BMPR1B: variants seen among roughly 807,000 people sequenced by gnomAD.
BMPR1B encodes bone morphogenetic protein receptor type 1B, also known as bone morphogenetic protein receptor type-1B.
A neutral mutation model predicts 59.1 loss-of-function variants in BMPR1B; 12 were observed. That is an observed-to-expected ratio of 0.20 (90% confidence interval 0.13 to 0.33). The LOEUF is 0.33. Among genes scored for constraint, BMPR1B ranks in the 10% least tolerant of loss-of-function variants. BMPR1B has a pLI of 1.00. For missense variants in BMPR1B, 550 were observed against 610.9 expected (o/e 0.90, Z 1.05); for synonymous variants, 237 against 207.3 (o/e 1.14, Z -1.23).
intron 2 of BMPR1B, among the ~76,000 whole-genome samples, chr4:94,878,384 C>G (rs1277896017): frequency 1.3e-5 from 2 of 152,142 alleles, no homozygotes; most frequent in Non-Finnish European, 2.9e-5. Flanking sequence ...ATGAGCTGAG[C>G]AGAGGACGTT....
At chr4:94,852,355 C>T (rs760990953) in intron 1 of BMPR1B, among the ~76,000 whole-genome samples, 1 of 152,062 alleles carries the variant, frequency 6.6e-6, no homozygotes, top group Non-Finnish European at 1.5e-5. Flanking sequence ...TGTATACACA[C>T]ATATGGACAT....
intron 1 of BMPR1B, among the ~76,000 whole-genome samples, chr4:94,799,632 C>G (rs1384919414): frequency 6.7e-6 from 1 of 149,364 alleles, no homozygotes; most frequent in Non-Finnish European, 1.5e-5. Context: ...ATTTTTTTTC[C>G]CTCTTTTGTT....
intron 1 of BMPR1B, among the ~76,000 whole-genome samples, chr4:94,779,722 C>G (rs956460535): frequency 5.3e-5 from 8 of 152,046 alleles, no homozygotes; most frequent in African/African-American, 1.7e-4. Flanking sequence ...GTCCGAGCTA[C>G]TCAGGAGGCT....
chr4:95,127,420 G>A (rs1042098802), intron 8 of BMPR1B, among the ~76,000 whole-genome samples: 8 of 151,660 alleles, frequency 5.3e-5, no homozygotes, highest in African/African-American at 7.3e-5. Context: ...ATCAAGTATC[G>A]CCAATTCTGT....
chr4:94,913,024 A>AACTCCCAGGAAAT (rs1728345222), intron 2 of BMPR1B, among the ~76,000 whole-genome samples: 1 of 152,132 alleles, frequency 6.6e-6, no homozygotes, highest in African/African-American at 2.4e-5. Flanking sequence ...AAATTCTTAA[A>AACTCCCAGGAAAT]ACTCCCAGGA....
At chr4:95,026,702 C>G (rs1044634570) in intron 3 of BMPR1B, among the ~76,000 whole-genome samples, 13 of 140,734 alleles carry the variant, frequency 9.2e-5, no homozygotes, top group Non-Finnish European at 1.7e-4. Flanking sequence ...CTCCCCTCCC[C>G]TCCCCTGTCC....
intron 3 of BMPR1B, among the ~76,000 whole-genome samples, chr4:95,073,237 C>T (rs1728454197): frequency 6.6e-6 from 1 of 152,086 alleles, no homozygotes. Flanking sequence ...CTTGCCAAGC[C>T]ATTTGGGAAC....
At chr4:95,018,980 G>C (rs1723781871) in intron 3 of BMPR1B, among the ~76,000 whole-genome samples, 1 of 152,032 alleles carries the variant, frequency 6.6e-6, no homozygotes, top group Admixed American at 6.6e-5. Flanking sequence ...TAATCTTTTT[G>C]TTTAATTATA....
chr4:94,942,199 TA>T, intron 2 of BMPR1B, among the ~76,000 whole-genome samples: 1 of 152,332 alleles, frequency 6.6e-6, no homozygotes, highest in South Asian at 2.1e-4. Context: ...GGAGTCAGAA[TA>T]ATTTTATTTG....
In BMPR1B at chr4:95,130,004, G is replaced by C; in HGVS notation, c.728G>C (p.Arg243Thr). 4 of 1,613,974 alleles carry C rather than the reference G, an allele frequency of 2.5e-6. No individual in the cohort carries two copies. The highest frequency in any genetic ancestry group is 3.4e-6 in the Non-Finnish European group (4 of 1,179,912). Residue 243 changes from arginine (R) to threonine (T), a missense_variant, in exon 9 of 13, where the codon AGA becomes ACA. Coordinates refer to ENST00000515059, the MANE Select transcript of BMPR1B (RefSeq NM_001203.3). ...ACCACAGAGGAAGCCAGCTGGTTCAGAGAGACAGAAATATATCAGACAGTG... is the reference window on the plus strand; with the variant it reads ...ACCACAGAGGAAGCCAGCTGGTTCACAGAGACAGAAATATATCAGACAGTG... ...FFTTEEASWFRETEIYQTVLM... is the reference protein window; with the variant it reads ...FFTTEEASWFTETEIYQTVLM...
chr4:94,759,721 ATC>A (rs1721685581), intron 1 of BMPR1B, among the ~76,000 whole-genome samples: 1 of 152,270 alleles, frequency 6.6e-6, no homozygotes, highest in African/African-American at 2.4e-5. Flanking sequence ...CATGCCGGTG[ATC>A]AATAATGTTT....
At chr4:94,778,226 A>G (rs1371636236) in intron 1 of BMPR1B, among the ~76,000 whole-genome samples, 2 of 152,108 alleles carry the variant, frequency 1.3e-5, no homozygotes, top group Non-Finnish European at 2.9e-5. Context: ...ATCTGAGTAA[A>G]CACTAACCTG....
chr4:95,150,587 A>T (rs1734970736), intron 11 of BMPR1B, among the ~76,000 whole-genome samples: 2 of 152,232 alleles, frequency 1.3e-5, no homozygotes, highest in African/African-American at 4.8e-5. Flanking sequence ...TGAACATCTA[A>T]AACAAACAGG....
chr4:95,151,491 G>A (rs903028767), intron 11 of BMPR1B, among the ~76,000 whole-genome samples: 17 of 152,124 alleles, frequency 1.1e-4, no homozygotes, highest in African/African-American at 3.9e-4. Context: ...TATCTCATAT[G>A]GAGGTAAAAC....
chr4:94,818,809 G>A (rs530025802), intron 1 of BMPR1B, among the ~76,000 whole-genome samples: 1 of 152,114 alleles, frequency 6.6e-6, no homozygotes, highest in Non-Finnish European at 1.5e-5. Context: ...ATTAGTGGAT[G>A]TATAGAAAAG....
chr4:94,954,284 C>T (rs2149058591), intron 2 of BMPR1B, among the ~76,000 whole-genome samples: 1 of 152,260 alleles, frequency 6.6e-6, no homozygotes, highest in Non-Finnish European at 1.5e-5. Flanking sequence ...ATTCTTTTCT[C>T]TCCGTCTAAC....
chr4:94,847,274 A>C (rs531474913), intron 1 of BMPR1B, among the ~76,000 whole-genome samples: 1 of 152,302 alleles, frequency 6.6e-6, no homozygotes, highest in Non-Finnish European at 1.5e-5. Flanking sequence ...TATCCAAAAA[A>C]CAGGCAGTAA....
chr4:95,048,961 C>T (rs1030948762), intron 3 of BMPR1B, among the ~76,000 whole-genome samples: 3 of 152,096 alleles, frequency 2.0e-5, no homozygotes, highest in East Asian at 1.9e-4. Flanking sequence ...AACAGGGATA[C>T]GTCTTGATTT....
At chr4:95,140,578 A>G (rs1734157028) in intron 10 of BMPR1B, among the ~76,000 whole-genome samples, 1 of 152,118 alleles carries the variant, frequency 6.6e-6, no homozygotes, top group African/African-American at 2.4e-5. Context: ...CCAGCTGAGA[A>G]TAATGACAGC....
Sources: allele counts gnomAD v4.1 joint callset (sites outside exome capture counted in the v4.1 genomes callset), GRCh38; gene constraint gnomAD v4.1.1; transcripts MANE v1.5; gene names NCBI Gene and HGNC (gene_info 2026-07-23, HGNC 2026-07-21).